TASP1: variants seen among roughly 807,000 people sequenced by gnomAD.
The protein encoded by TASP1 is taspase 1.
Under a neutral mutation model 56.6 loss-of-function variants are expected in TASP1, and 16 were observed. The observed-to-expected ratio is 0.28, with a 90% CI of 0.19 to 0.43. The LOEUF (loss-of-function observed/expected upper bound fraction) is 0.43. Ranked by LOEUF, TASP1 falls within the 20% of genes least tolerant of loss-of-function variation. TASP1 has a pLI of 1.00. For synonymous variants in TASP1, 179 were observed against 184.2 expected (o/e 0.97, Z 0.23); for missense variants, 393 against 511.6 (o/e 0.77, Z 2.24).
chr20:13,424,032 A>G (rs2146110981), intron 12 of TASP1, among the ~76,000 whole-genome samples: 1 of 152,308 alleles, frequency 6.6e-6, no homozygotes, highest in East Asian at 1.9e-4. Context: ...AAACACATAT[A>G]CTTAAGGCAA....
chr20:13,282,571 A>G, the TASP1 span, among the ~76,000 whole-genome samples: 1 of 152,210 alleles, frequency 6.6e-6, no homozygotes, highest in Non-Finnish European at 1.5e-5. Context: ...TCCTAGACCT[A>G]GAGTACCATT....
chr20:13,392,722 CT>C (rs1341190369), intron 13 of TASP1: 2 of 572,190 alleles, frequency 3.5e-6, no homozygotes, highest in Non-Finnish European at 3.4e-6. Flanking sequence ...GTATCGGGCG[CT>C]GGTCACCAGG....
the TASP1 span, among the ~76,000 whole-genome samples, chr20:13,178,832 G>T: frequency 2.4e-4 from 37 of 152,194 alleles, no homozygotes; most frequent in Non-Finnish European, 7.4e-5. Flanking sequence ...ATTACAGCTA[G>T]ATAGGAGAAA....
At chr20:13,362,287 C>A in the TASP1 span, among the ~76,000 whole-genome samples, 93 of 151,980 alleles carry the variant, frequency 6.1e-4, no homozygotes, top group South Asian at 0.019. Flanking sequence ...CTGTGACTTG[C>A]ACGTATATGC....
At chr20:13,249,989 G>A in the TASP1 span, among the ~76,000 whole-genome samples, 2 of 152,168 alleles carry the variant, frequency 1.3e-5, no homozygotes, top group Non-Finnish European at 2.9e-5. Flanking sequence ...GGAGGCCCAA[G>A]AAAGTCTATA....
the TASP1 span, among the ~76,000 whole-genome samples, chr20:13,354,919 A>G: frequency 5.9e-5 from 9 of 152,238 alleles, no homozygotes; most frequent in Non-Finnish European, 1.2e-4. Flanking sequence ...TGCAGCTGAA[A>G]AACAACAACC....
chr20:13,592,180 C>T (rs1424457725), intron 4 of TASP1, among the ~76,000 whole-genome samples: 4 of 151,926 alleles, frequency 2.6e-5, no homozygotes, highest in East Asian at 3.9e-4. Context: ...AGGCGTATCA[C>T]GAGGTCAGGA....
At chr20:13,178,682 T>G in the TASP1 span, among the ~76,000 whole-genome samples, 1 of 143,496 alleles carries the variant, frequency 7.0e-6, no homozygotes, top group Non-Finnish European at 1.5e-5. Flanking sequence ...CACTCATATA[T>G]GGAAGCTAAA....
the TASP1 span, among the ~76,000 whole-genome samples, chr20:13,219,853 G>A: frequency 6.6e-6 from 1 of 152,200 alleles, no homozygotes; most frequent in East Asian, 1.9e-4. Context: ...CCTTAATTTG[G>A]TTAATACTTG....
intron 13 of TASP1, among the ~76,000 whole-genome samples, chr20:13,409,608 G>T (rs2042031340): frequency 6.7e-6 from 1 of 149,932 alleles, no homozygotes; most frequent in African/African-American, 2.5e-5. Context: ...ATCCTTCCTG[G>T]GTTTGAAATT....
chr20:13,614,826 GGAA>G, intron 4 of TASP1: 1 of 470,440 alleles, frequency 2.1e-6, no homozygotes, highest in Non-Finnish European at 4.4e-6. Flanking sequence ...ATGATGTCCA[GGAA>G]GAGGTTAGTT....
chr20:13,601,940 G>A (rs1405241863), intron 4 of TASP1, among the ~76,000 whole-genome samples: 6 of 124,958 alleles, frequency 4.8e-5, no homozygotes, highest in South Asian at 2.5e-4. Context: ...GCAGTGGCTC[G>A]ATCTCCACTC....
the TASP1 span, chr20:13,117,610 C>A: frequency 1.9e-6 from 3 of 1,613,060 alleles, no homozygotes; most frequent in Non-Finnish European, 2.5e-6. Flanking sequence ...GCCGTGGGCC[C>A]AACCGGCCGG....
chr20:13,533,895 A>G, intron 9 of TASP1, 127 bp downstream of exon 9: 3 of 1,106,996 alleles, frequency 2.7e-6, no homozygotes, highest in South Asian at 1.6e-5. Flanking sequence ...GATTTATACT[A>G]CATGTTAAAA....
the TASP1 span, chr20:13,126,552 T>G: frequency 6.2e-7 from 1 of 1,609,264 alleles, no homozygotes; most frequent in African/African-American, 1.3e-5. Context: ...GTGTTGAGAT[T>G]TATTTGCCTT....
At chr20:13,358,613 G>C in the TASP1 span, among the ~76,000 whole-genome samples, 15 of 151,746 alleles carry the variant, frequency 9.9e-5, no homozygotes, top group Non-Finnish European at 4.4e-5. Flanking sequence ...AAGGACACAC[G>C]TTTTATCCGT....
At chr20:13,610,355 T>C (rs2048308597) in intron 4 of TASP1, among the ~76,000 whole-genome samples, 1 of 152,154 alleles carries the variant, frequency 6.6e-6, no homozygotes, top group African/African-American at 2.4e-5. Flanking sequence ...GACTAATATA[T>C]GGCAATAGAG....
the TASP1 span, among the ~76,000 whole-genome samples, chr20:13,311,384 C>A: frequency 6.6e-6 from 1 of 152,090 alleles, no homozygotes; most frequent in Non-Finnish European, 1.5e-5. Context: ...GAAAGCTCCT[C>A]AAAAAATTAA....
the TASP1 span, among the ~76,000 whole-genome samples, chr20:13,138,621 T>C: frequency 1.3e-5 from 2 of 152,220 alleles, no homozygotes; most frequent in East Asian, 3.8e-4. Flanking sequence ...CTAGTCACCA[T>C]TTATAAACAA....
Sources: gnomAD v4.1 joint callset for allele counts (sites outside exome capture counted in the v4.1 genomes callset) on GRCh38, gnomAD v4.1.1 for gene constraint, MANE v1.5 for transcripts, NCBI Gene and HGNC (gene_info 2026-07-23, HGNC 2026-07-21) for gene names.